The following CAMTA1 variants were observed in gnomAD, a reference collection of about 807,000 sequenced individuals.
CAMTA1 encodes the protein calmodulin binding transcription activator 1, also known as calmodulin-binding transcription activator 1.
CAMTA1 carries 27 observed loss-of-function variants against 170.9 expected under a neutral mutation model. The ratio of observed to expected loss-of-function variants is 0.16; its 90% CI spans 0.12 to 0.22. The LOEUF is 0.22. Ranked by LOEUF, CAMTA1 falls within the 10% of genes least tolerant of loss-of-function variation. The probability of loss-of-function intolerance (pLI) is 1.00; values close to 1 mark genes in which losing one functional copy is unlikely to be tolerated. For missense variants in CAMTA1, 1,619 were observed against 2,217.2 expected, an observed-to-expected ratio of 0.73 and a Z score of 5.42; for synonymous variants, 833 against 891.5, an observed-to-expected ratio of 0.93 and a Z score of 1.17.
intron 4 of CAMTA1, chr1:7,142,090 G>T (rs766631760): frequency 1.9e-6 from 1 of 518,486 alleles, no homozygotes; most frequent in African/African-American, 1.9e-5. Flanking sequence ...GCTCTTCCTG[G>T]TACCCCTTCT....
intron 5 of CAMTA1, among the ~76,000 whole-genome samples, chr1:7,466,894 C>A (rs2093224091): frequency 6.6e-6 from 1 of 152,150 alleles, no homozygotes; most frequent in Non-Finnish European, 1.5e-5. Flanking sequence ...CTGGGCCCCT[C>A]CCTCCCACTC....
At chr1:7,730,108 C>T (rs2096720325) in intron 11 of CAMTA1, among the ~76,000 whole-genome samples, 1 of 152,216 alleles carries the variant, frequency 6.6e-6, no homozygotes, top group Admixed American at 6.5e-5. Context: ...TTATCATGTT[C>T]TGAGCACTTA....
rs2096871622 is a variant in CAMTA1 at position 7,748,264 on chromosome 1, A to G, written c.4689+483A>G. 1.0e-5 allele frequency among the ~76,000 whole-genome samples: 1 copy of G among 98,426 alleles called. No individual in the cohort carries two copies. The allele number at this position is 98,426 out of a possible 152,430, so 64.6% of individuals were successfully genotyped here. On this transcript the variant is annotated intron_variant, in intron 19 of 22. Transcript: ENST00000303635. This position sits in a 1 kb window ranked among gnomAD's most constrained non-coding sequence, Gnocchi z 4.7. ...AAACAAACAAACAAACAAACAAACA[A>G]ACAAACAAAAACAGGGGAAGCCACA...
At position 7,403,569 on chromosome 1, in the gene CAMTA1, A is replaced by G. The variant is rs535244987; in HGVS notation, c.439-64261A>G. On this transcript the variant is annotated intron_variant, in intron 5 of 22. Transcript: ENST00000303635. ...TGGTCAGGTGTTAGTGAAGGGGTGAAGGGGAAGAGGCACAGGGACAACCTG... is the reference window on the plus strand; with the variant it reads ...TGGTCAGGTGTTAGTGAAGGGGTGAGGGGGAAGAGGCACAGGGACAACCTG... Among the ~76,000 whole-genome samples, 7 of 152,242 alleles carry G rather than the reference A, an allele frequency of 4.6e-5. No individual in the cohort carries two copies. The East Asian group carries it at 1.4e-3, about 29-fold the overall frequency.
intron 6 of CAMTA1, among the ~76,000 whole-genome samples, chr1:7,625,334 C>A (rs1479472644): frequency 6.6e-6 from 1 of 152,260 alleles, no homozygotes; most frequent in Admixed American, 6.5e-5. Flanking sequence ...CCTCCTTCAG[C>A]TCTGCTGGCA....
intron 3 of CAMTA1, among the ~76,000 whole-genome samples, chr1:7,039,349 C>T (rs1174474676): frequency 6.6e-6 from 1 of 152,126 alleles, no homozygotes; most frequent in Non-Finnish European, 1.5e-5. Context: ...CCCAGGCAAC[C>T]CTTGTAATTC....
At chr1:7,166,557 C>G (rs975530432) in intron 4 of CAMTA1, among the ~76,000 whole-genome samples, 2 of 152,178 alleles carry the variant, frequency 1.3e-5, no homozygotes, top group African/African-American at 2.4e-5. Flanking sequence ...TTCCTTGCTA[C>G]AGTGAGGCTG....
At chr1:7,569,672 CA>C (rs199788033) in intron 6 of CAMTA1, among the ~76,000 whole-genome samples, 7,965 of 151,328 alleles carry the variant, frequency 0.053, 735 homozygotes, top group African/African-American at 0.18. Flanking sequence ...TTACTATTAC[CA>C]TCACTACCAT....
chr1:7,465,150 C>T (rs1488698877), intron 5 of CAMTA1, among the ~76,000 whole-genome samples: 1 of 152,170 alleles, frequency 6.6e-6, no homozygotes, highest in Non-Finnish European at 1.5e-5. Flanking sequence ...CTCTGGAGTC[C>T]TTTCCTGGGA....
At chr1:7,447,804 G>T (rs2092717466) in intron 5 of CAMTA1, among the ~76,000 whole-genome samples, 1 of 152,228 alleles carries the variant, frequency 6.6e-6, no homozygotes, top group Non-Finnish European at 1.5e-5. Flanking sequence ...CTGAGTGTGA[G>T]GAACTCCCAT....
intron 3 of CAMTA1, among the ~76,000 whole-genome samples, chr1:6,963,174 C>T (rs545171024): frequency 1.1e-4 from 16 of 151,132 alleles, no homozygotes; most frequent in Non-Finnish European, 1.8e-4. Flanking sequence ...GCTCCAGCCT[C>T]CATCTCTTTT....
chr1:7,713,330 C>G (rs1275123843), intron 11 of CAMTA1, among the ~76,000 whole-genome samples: 1 of 152,144 alleles, frequency 6.6e-6, no homozygotes, highest in African/African-American at 2.4e-5. Context: ...CCAAGACTTT[C>G]CTAACTCGGA....
At chr1:7,331,639 C>G (rs761082177) in intron 5 of CAMTA1, among the ~76,000 whole-genome samples, 1 of 152,186 alleles carries the variant, frequency 6.6e-6, no homozygotes, top group African/African-American at 2.4e-5. Context: ...CTAGAACCCC[C>G]TGGCCATGCT....
intron 6 of CAMTA1, among the ~76,000 whole-genome samples, chr1:7,579,937 G>A (rs973727972): frequency 1.3e-5 from 2 of 152,230 alleles, no homozygotes; most frequent in East Asian, 3.9e-4. Flanking sequence ...GGACAGTTCT[G>A]AGATCTGGGT....
chr1:7,091,383 G>A lies in CAMTA1; in HGVS notation c.302+12G>A. ...TCCCCTAAGACAAGGTAATGTCCCA[G>A]ATCTTGCAGTTTTTCAAATGTGTAC... On this transcript the variant is annotated intron_variant, in intron 4 of 22. Coordinates refer to ENST00000303635, the MANE Select transcript of CAMTA1 (RefSeq NM_015215.4). 1 of 1,602,948 alleles carries A rather than the reference G, an allele frequency of 6.2e-7. No individual in the cohort carries two copies.
intron 3 of CAMTA1, among the ~76,000 whole-genome samples, chr1:6,839,678 A>G (rs1654876406): frequency 6.6e-6 from 1 of 152,186 alleles, no homozygotes; most frequent in Admixed American, 6.5e-5. Flanking sequence ...AGGAAGTTAT[A>G]TTTGAGCTGA....
chr1:6,938,006 G>A (rs79481403), intron 3 of CAMTA1, among the ~76,000 whole-genome samples: 2,741 of 152,306 alleles, frequency 0.018, 65 homozygotes, highest in African/African-American at 0.061. Context: ...TCAGGGGGCA[G>A]ATATTCTGCC....
At chr1:7,126,507 A>G (rs141141062) in intron 4 of CAMTA1, among the ~76,000 whole-genome samples, 266 of 152,352 alleles carry the variant, frequency 1.7e-3, no homozygotes, top group Non-Finnish European at 3.1e-3. Flanking sequence ...AAAAATTTAA[A>G]TATTGATGAG....
At chr1:7,617,048 G>A (rs1455830063) in intron 6 of CAMTA1, among the ~76,000 whole-genome samples, 1 of 152,210 alleles carries the variant, frequency 6.6e-6, no homozygotes. Context: ...GGCTGCAACT[G>A]CTCTTTCTGT....
Sources: allele counts gnomAD v4.1 joint callset (sites outside exome capture counted in the v4.1 genomes callset), GRCh38; gene constraint gnomAD v4.1.1; non-coding constraint Gnocchi (gnomAD v3.1); transcripts MANE v1.5; gene names NCBI Gene and HGNC (gene_info 2026-07-23, HGNC 2026-07-21).